Variants in MTTP observed in about 807,000 individuals in gnomAD.
The protein encoded by MTTP is microsomal triglyceride transfer protein, also known as microsomal triglyceride transfer protein large subunit.
In MTTP, 49 loss-of-function variants were observed where a neutral mutation model predicts 90.6. The observed-to-expected ratio is 0.54, with a 90% CI of 0.43 to 0.69. MTTP has a LOEUF of 0.69. MTTP is among the 30% of genes least tolerant of loss of function. The probability of loss-of-function intolerance (pLI) is 0.00; values close to 1 mark genes in which losing one functional copy is unlikely to be tolerated. For synonymous variants in MTTP, 347 were observed against 384.2 expected, an observed-to-expected ratio of 0.90 and a Z score of 1.13; for missense variants, 945 against 1,067.5, an observed-to-expected ratio of 0.89 and a Z score of 1.60.
upstream of MTTP, among the ~76,000 whole-genome samples, chr4:99,571,700 C>T (rs1724846163): frequency 6.6e-6 from 1 of 151,818 alleles, no homozygotes; most frequent in South Asian, 2.1e-4. Context: ...TAAACAATAC[C>T]TTTCAAAATA....
rs1725428679 is a variant in MTTP at position 99,591,780 on chromosome 4, A to G, written c.748A>G (p.Ile250Val). 1 of 1,612,112 alleles carries G rather than the reference A, an allele frequency of 6.2e-7. No individual in the cohort carries two copies. ...TTTCCTACAAACCATTAAGGGGAAA[A>G]TAGTATCGAAGTAAGATAATGCTAA... ...LNFLQTIKGK[I>V]VSKQKLELKT... Residue 250 changes from isoleucine (I) to valine (V), a missense_variant, in exon 6 of 18, where the codon ATA becomes GTA. Physicochemically the swap from Ile to Val is conservative, Grantham distance 29. Transcript: ENST00000265517.
intron 2 of MTTP, among the ~76,000 whole-genome samples, chr4:99,583,068 C>T (rs1480350056): frequency 6.6e-6 from 1 of 151,996 alleles, no homozygotes; most frequent in African/African-American, 2.4e-5. Context: ...TAGACAGCAA[C>T]CACAAAAAAC....
chr4:99,594,621 C>T (rs1445845399), intron 6 of MTTP, 112 bp from the exon 7 acceptor site: 1 of 1,222,408 alleles, frequency 8.2e-7, no homozygotes, highest in Non-Finnish European at 1.2e-6. Context: ...AAAGACATGG[C>T]TATATACAAC....
intron 1 of MTTP, chr4:99,564,345 G>A (rs1313396665): frequency 1.9e-6 from 2 of 1,052,598 alleles, no homozygotes; most frequent in Non-Finnish European, 2.6e-6. Flanking sequence ...AACATCTCTT[G>A]CCTATATTAT....
intron 11 of MTTP, among the ~76,000 whole-genome samples, chr4:99,608,066 A>T (rs2110229576): frequency 6.6e-6 from 1 of 152,318 alleles, no homozygotes; most frequent in Non-Finnish European, 1.5e-5. Context: ...CATGCCATGT[A>T]GTATCCTTAA....
At chr4:99,592,419 T>G (rs1275424833) in intron 6 of MTTP, among the ~76,000 whole-genome samples, 1 of 152,190 alleles carries the variant, frequency 6.6e-6, no homozygotes, top group Admixed American at 6.5e-5. Context: ...TGTTAACTTT[T>G]GAAGTACTCT....
intron 6 of MTTP, among the ~76,000 whole-genome samples, chr4:99,594,133 G>A (rs541543255): frequency 3.3e-5 from 5 of 152,282 alleles, no homozygotes; most frequent in East Asian, 1.9e-4. Flanking sequence ...TCAAGGCTCC[G>A]AAGCACATGT....
At chr4:99,576,550 C>T (rs1724963984) in intron 1 of MTTP, among the ~76,000 whole-genome samples, 1 of 151,146 alleles carries the variant, frequency 6.6e-6, no homozygotes, top group African/African-American at 2.4e-5. Flanking sequence ...AAAAAATTAG[C>T]CGGGCGTAGT....
chr4:99,614,583 G>C (rs1026592316), intron 15 of MTTP, among the ~76,000 whole-genome samples: 6 of 152,176 alleles, frequency 3.9e-5, no homozygotes, highest in African/African-American at 1.4e-4. Flanking sequence ...GAAATCTTAA[G>C]ATATCATCAG....
rs886058958 is a variant in MTTP, at chr4:99,612,964, G to A, written c.2041G>A (p.Glu681Lys). The A allele has an allele frequency of 3.1e-6, 5 of 1,613,898 alleles. No homozygotes were observed. Among genetic ancestry groups the A allele is most frequent in the African/African-American group, 2.7e-5 (2 of 74,884 alleles). Residue 681 changes from glutamate (E) to lysine (K), a missense_variant, in exon 15 of 18, where the codon GAG becomes AAG. Transcript: ENST00000265517. ...AGCCTTAATCGCAGCCACCCCTGAC[G>A]AGGGGGAGGAGAACCTTGACTCCTA... ...LEALIAATPD[E>K]GEENLDSYAG...
chr4:99,605,158 A>G (rs565754515), intron 10 of MTTP, among the ~76,000 whole-genome samples: 2 of 152,262 alleles, frequency 1.3e-5, no homozygotes, highest in South Asian at 4.1e-4. Flanking sequence ...CTGTGTTTTA[A>G]AAGTATTAAC....
chr4:99,570,855 A>C (rs749150777), upstream of MTTP: 2 of 445,692 alleles, frequency 4.5e-6, no homozygotes, highest in South Asian at 3.2e-5. Context: ...AGCTTCTAGA[A>C]GCTAGAAAAG....
chr4:99,622,052 A>G (rs1290859827), intron 17 of MTTP, among the ~76,000 whole-genome samples: 1 of 152,230 alleles, frequency 6.6e-6, no homozygotes, highest in Non-Finnish European at 1.5e-5. Context: ...AAACGCATTG[A>G]TTATATAAAA....
chr4:99,601,633 C>T lies in MTTP; in HGVS notation c.1263C>T (p.Ser421=). ...GTAAGTTCAAAGGTTCTATTGGTAG[C>T]AGTGACATCAGAGAAACTGTTATGA... ...LISKFKGSIG[S]SDIRETVMII... Residue 421 remains serine (S), a synonymous_variant, in exon 10 of 18, where the codon AGC becomes AGT. Transcript: ENST00000265517. The T allele has an allele frequency of 6.2e-7, 1 of 1,612,572 alleles. No individual in the cohort carries two copies. The highest frequency in any genetic ancestry group is 8.5e-7 in the Non-Finnish European group (1 of 1,178,840).
intron 2 of MTTP, among the ~76,000 whole-genome samples, chr4:99,582,470 T>G (rs1436408970): frequency 6.6e-6 from 1 of 152,206 alleles, no homozygotes; most frequent in East Asian, 1.9e-4. Flanking sequence ...GTTAGGAGGT[T>G]CCTGCATTCC....
chr4:99,574,570 C>T (rs1206028238), upstream of MTTP: 4 of 425,898 alleles, frequency 9.4e-6, no homozygotes, highest in East Asian at 1.0e-4. Flanking sequence ...CAGTTTTTTT[C>T]TTTGAATGCC....
intron 1 of MTTP, among the ~76,000 whole-genome samples, chr4:99,581,384 G>A (rs1725108184): frequency 6.6e-6 from 1 of 152,186 alleles, no homozygotes; most frequent in African/African-American, 2.4e-5. Flanking sequence ...TGTACTAAAA[G>A]TTTGATAATT....
intron 4 of MTTP, 67 bp downstream of exon 4, chr4:99,589,817 T>A: frequency 9.0e-7 from 1 of 1,106,220 alleles, no homozygotes; most frequent in Admixed American, 1.7e-5. Flanking sequence ...ACTTATACAA[T>A]TTCAGTAGAA....
Position 99,606,754 on chromosome 4 carries a change from G to C in MTTP, c.1351G>C (p.Val451Leu). ...QNEGCKLKAV[V>L]EAKKLILGGL... ...AAGGTATATGATTTTTCAGGCAGTA[G>C]TGGAAGCTAAGAAGTTAATCCTGGG... is the stretch of plus-strand genomic sequence containing the variant. Residue 451 changes from valine (V) to leucine (L), a missense_variant, in exon 11 of 18, where the codon GTG becomes CTG. Transcript: ENST00000265517. 1 of 1,613,388 alleles carries C rather than the reference G, an allele frequency of 6.2e-7. No individual in the cohort carries two copies. The highest frequency in any genetic ancestry group is 8.5e-7 in the Non-Finnish European group (1 of 1,179,896).
Sources: allele counts gnomAD v4.1 joint callset (sites outside exome capture counted in the v4.1 genomes callset), GRCh38; gene constraint gnomAD v4.1.1; transcripts MANE v1.5; gene names NCBI Gene and HGNC (gene_info 2026-07-23, HGNC 2026-07-21).